TRAPPC9: variants seen among roughly 807,000 people sequenced by gnomAD.
TRAPPC9 encodes the protein IKK2 binding protein.
Under a neutral mutation model 124.0 loss-of-function variants are expected in TRAPPC9, and 83 were observed. That is an observed-to-expected ratio of 0.67 (90% CI 0.56 to 0.80). TRAPPC9 has a LOEUF of 0.80. Ranked by LOEUF, TRAPPC9 falls within the 30% of genes least tolerant of loss-of-function variation. The pLI is 0.00. For missense variants in TRAPPC9, 1,302 were observed against 1,508.3 expected (o/e 0.86, Z 2.27); for synonymous variants, 638 against 617.5 (o/e 1.03, Z -0.49).
chr8:139,820,125 A>G (rs1172133183), intron 21 of TRAPPC9, among the ~76,000 whole-genome samples: 1 of 152,098 alleles, frequency 6.6e-6, no homozygotes, highest in African/African-American at 2.4e-5. Flanking sequence ...TTTTAATTTC[A>G]GATTTCAGAA....
At position 140,439,111 on chromosome 8, in the gene TRAPPC9, A is replaced by T; in HGVS notation, c.671T>A (p.Val224Glu). The T allele has an allele frequency of 6.2e-7, 1 of 1,614,238 alleles. No individual in the cohort carries two copies. The highest frequency in any genetic ancestry group is 1.1e-5 in the South Asian group (1 of 91,090). Reference sequence around the variant, plus strand: ...CAGCTCCACCGACATGTGGTAATGCACCAGGGAGTCCTGCAGCATCCCTGC... The same window carrying T: ...CAGCTCCACCGACATGTGGTAATGCTCCAGGGAGTCCTGCAGCATCCCTGC... ...LQAGMLQDSL[V>E]HYHMSVELLR... The change falls in exon 3 of 23, where the codon GTG becomes GAG. Residue 224 changes from valine (V) to glutamate (E), a missense_variant. Val to Glu is a moderately radical substitution (Grantham distance 121). This residue lies in a region of TRAPPC9 where 657 missense variants were observed against 811.2 expected (regional missense o/e 0.81). Transcript: ENST00000438773.
At position 139,871,636 on chromosome 8, in the gene TRAPPC9, A is replaced by C. The variant is rs114180879; in HGVS notation, c.3055+14243T>G. 8.2e-3 allele frequency among the ~76,000 whole-genome samples: 1,252 copies of C among 152,346 alleles called. 12 individuals are homozygous for C. The highest frequency in any genetic ancestry group is 0.028 in the African/African-American group (1,175 of 41,570). On this transcript the variant is annotated intron_variant, in intron 21 of 22. Transcript: ENST00000438773. ...GACTGCAGAAATTACCCTTCCAAAAAAAGATGTCTCTTAAAGAAAGCAGCA... is the reference window on the plus strand; with the variant it reads ...GACTGCAGAAATTACCCTTCCAAAACAAGATGTCTCTTAAAGAAAGCAGCA...
At chr8:140,384,842 C>T (rs573657877) in intron 7 of TRAPPC9, among the ~76,000 whole-genome samples, 7 of 152,322 alleles carry the variant, frequency 4.6e-5, no homozygotes, top group Admixed American at 6.5e-5. Context: ...ACAGAACTCT[C>T]CACCCCAAAT....
chr8:140,420,459 A>G (rs1244352483), intron 5 of TRAPPC9, among the ~76,000 whole-genome samples: 1 of 152,184 alleles, frequency 6.6e-6, no homozygotes, highest in East Asian at 1.9e-4. Context: ...ACACTTCCCA[A>G]TTTCAAAATT....
chr8:139,959,123 A>AGCCCTGCATTCCGAGTCACACGGGGGAGC (rs1587345106), intron 19 of TRAPPC9, among the ~76,000 whole-genome samples: 1 of 152,000 alleles, frequency 6.6e-6, no homozygotes, highest in Non-Finnish European at 1.5e-5. Context: ...CACACAGGGG[A>AGCCCTGCATTCCGAGTCACACGGGGGAGC]CTGGCTCCCA....
intron 9 of TRAPPC9, among the ~76,000 whole-genome samples, chr8:140,346,297 C>A (rs935118291): frequency 6.6e-6 from 1 of 152,180 alleles, no homozygotes; most frequent in African/African-American, 2.4e-5. Flanking sequence ...AAAGGAACTG[C>A]GTGCCCCTCA....
At chr8:140,019,979 T>C (rs1208011479) in intron 18 of TRAPPC9, among the ~76,000 whole-genome samples, 2 of 152,122 alleles carry the variant, frequency 1.3e-5, no homozygotes, top group East Asian at 3.9e-4. Flanking sequence ...ACTATAGGGA[T>C]GTCCCATCAC....
At chr8:140,025,266 A>T (rs7005176) in intron 17 of TRAPPC9, among the ~76,000 whole-genome samples, 5 of 152,098 alleles carry the variant, frequency 3.3e-5, no homozygotes, top group Admixed American at 6.5e-5. Flanking sequence ...CCGGAAGCAG[A>T]GGACACAGCA....
At chr8:139,934,280 CAGAG>C (rs34430255) in intron 19 of TRAPPC9, among the ~76,000 whole-genome samples, 23,813 of 148,640 alleles carry the variant, frequency 0.16, 2,034 homozygotes, top group South Asian at 0.25. Context: ...CAAGTCCAGT[CAGAG>C]AGAGAGAGAG....
chr8:140,066,786 G>T (rs921611623), intron 17 of TRAPPC9, among the ~76,000 whole-genome samples: 1 of 152,194 alleles, frequency 6.6e-6, no homozygotes, highest in African/African-American at 2.4e-5. Flanking sequence ...AAGATACCTG[G>T]CACCAAAGGA....
intron 6 of TRAPPC9, among the ~76,000 whole-genome samples, chr8:140,403,924 C>G (rs1166689394): frequency 6.6e-6 from 1 of 152,044 alleles, no homozygotes; most frequent in Non-Finnish European, 1.5e-5. Flanking sequence ...TCCCAAAGTG[C>G]TGGAATTACT....
At chr8:140,045,395 G>A (rs1285215037) in intron 17 of TRAPPC9, among the ~76,000 whole-genome samples, 1 of 152,092 alleles carries the variant, frequency 6.6e-6, no homozygotes, top group Admixed American at 6.6e-5. Context: ...GGAGACCGAG[G>A]CGGGTGGATC....
chr8:140,160,810 A>T (rs1473245152), intron 17 of TRAPPC9, among the ~76,000 whole-genome samples: 2 of 151,360 alleles, frequency 1.3e-5, no homozygotes, highest in African/African-American at 4.8e-5. Context: ...TAAATAAAAT[A>T]AAAAGGAAGC....
rs994509533 is a variant in TRAPPC9 at position 139,776,935 on chromosome 8, C to T, written c.3056-44733G>A. 2.6e-5 allele frequency among the ~76,000 whole-genome samples: 4 copies of T among 152,206 alleles called. No individual in the cohort carries two copies. The highest frequency in any genetic ancestry group is 9.6e-5 in the African/African-American group (4 of 41,454). On this transcript the variant is annotated intron_variant, in intron 21 of 22. Coordinates refer to ENST00000438773, the MANE Select transcript of TRAPPC9 (RefSeq NM_001160372.4). The surrounding 1 kb of genome is among the most constrained non-coding windows in gnomAD (Gnocchi z 4.1). The stretch of plus-strand genomic sequence containing the variant: ...GGGCTGTGCCTTGCACCCTCTGTAG[C>T]TCCTGTGTGCCAGTTCCCAGCTTGC...
chr8:139,966,539 AGTCT>A (rs1160620976), intron 19 of TRAPPC9, among the ~76,000 whole-genome samples: 1 of 152,198 alleles, frequency 6.6e-6, no homozygotes, highest in Non-Finnish European at 1.5e-5. Context: ...TTTTTGTCTC[AGTCT>A]GTTTCTTGTG....
At chr8:140,134,113 T>A (rs1036173305) in intron 17 of TRAPPC9, among the ~76,000 whole-genome samples, 2 of 151,620 alleles carry the variant, frequency 1.3e-5, no homozygotes, top group African/African-American at 4.8e-5. Context: ...AAGAACAAAG[T>A]TAGAGGACTC....
chr8:140,273,146 C>A (rs1286690183), intron 15 of TRAPPC9, among the ~76,000 whole-genome samples: 1 of 152,214 alleles, frequency 6.6e-6, no homozygotes, highest in African/African-American at 2.4e-5. Flanking sequence ...AGCACCGGAG[C>A]CGGGACACTC....
At chr8:140,006,788 AGATTAGTG>A (rs1243263058) in intron 18 of TRAPPC9, among the ~76,000 whole-genome samples, 7 of 152,194 alleles carry the variant, frequency 4.6e-5, no homozygotes, top group African/African-American at 7.2e-5. Context: ...GACAGAAGGT[AGATTAGTG>A]GTAGATTAGT....
intron 18 of TRAPPC9, among the ~76,000 whole-genome samples, chr8:140,004,178 C>T (rs568097195): frequency 1.3e-5 from 2 of 152,138 alleles, no homozygotes; most frequent in African/African-American, 2.4e-5. Context: ...GTTGCCACAA[C>T]GGTGGGGCCG....
Sources: gnomAD v4.1 joint callset for allele counts (sites outside exome capture counted in the v4.1 genomes callset) on GRCh38, gnomAD v4.1.1 for gene constraint, gnomAD v4.1.1 regional missense constraint, Gnocchi (gnomAD v3.1) non-coding constraint, MANE v1.5 for transcripts, NCBI Gene and HGNC (gene_info 2026-07-23, HGNC 2026-07-21) for gene names.